WDR47: variants seen among roughly 807,000 people sequenced by gnomAD.
WDR47 encodes WD repeat-containing protein 47.
A neutral mutation model predicts 97.2 loss-of-function variants in WDR47; 32 were observed. The observed-to-expected ratio is 0.33, with a 90% CI of 0.25 to 0.44. The LOEUF (loss-of-function observed/expected upper bound fraction) is 0.44. Ranked by LOEUF, WDR47 falls within the 20% of genes least tolerant of loss-of-function variation. The pLI is 1.00. For missense variants in WDR47, 782 were observed against 1,102.3 expected (o/e 0.71, Z 4.11); for synonymous variants, 375 against 373.5 (o/e 1.00, Z -0.05).
At chr1:109,041,289 GC>G (rs1663346535) in intron 1 of WDR47, among the ~76,000 whole-genome samples, 1 of 152,138 alleles carries the variant, frequency 6.6e-6, no homozygotes, top group African/African-American at 2.4e-5. Flanking sequence ...TCGAGTCGCT[GC>G]CCCTTTCCGC....
At chr1:109,026,671 C>A (rs755289361) in intron 1 of WDR47, among the ~76,000 whole-genome samples, 26 of 152,246 alleles carry the variant, frequency 1.7e-4, no homozygotes, top group Admixed American at 4.6e-4. Context: ...ACCACACAAA[C>A]TTAATGCACA....
chr1:109,002,422 A>AAT lies in WDR47; in HGVS notation c.1255-21_1255-20insAT. On this transcript the variant is annotated intron_variant, in intron 6 of 14. Transcript: ENST00000369962. ...TCGAAGCTTAAAAACATTAGAAAAA[A>AAT]ACATATATATTTGAGCAAACTATGA... is the stretch of plus-strand genomic sequence containing the variant. 3.2e-6 allele frequency: 5 copies of AAT among 1,551,674 alleles called. No homozygotes were observed. The highest frequency in any genetic ancestry group is 4.3e-6 in the Non-Finnish European group (5 of 1,150,600).
chr1:109,015,241 T>C (rs879559350), intron 3 of WDR47, among the ~76,000 whole-genome samples: 5 of 152,210 alleles, frequency 3.3e-5, no homozygotes, highest in Admixed American at 2.6e-4. Flanking sequence ...TAGAGTAACT[T>C]ATATCTGGCT....
At chr1:109,004,359 A>T (rs1660428820) in intron 6 of WDR47, among the ~76,000 whole-genome samples, 1 of 152,212 alleles carries the variant, frequency 6.6e-6, no homozygotes, top group Admixed American at 6.5e-5. Flanking sequence ...CACCAGTAAT[A>T]TTTTAGATTG....
intron 10 of WDR47, among the ~76,000 whole-genome samples, chr1:108,984,858 C>CA (rs1289279060): frequency 6.6e-6 from 1 of 152,090 alleles, no homozygotes; most frequent in Non-Finnish European, 1.5e-5. Flanking sequence ...AGCCTGGCGA[C>CA]AGAGTGAGAC....
chr1:109,023,587 G>T (rs911859583), intron 1 of WDR47, 66 bp from the exon 2 acceptor site: 1 of 1,485,806 alleles, frequency 6.7e-7, no homozygotes, highest in South Asian at 1.3e-5. Flanking sequence ...TAACTGCCTG[G>T]CAACTACACA....
chr1:108,991,370 C>T lies in WDR47; in HGVS notation c.1692-41G>A, dbSNP rs1230292010. On this transcript the variant is annotated intron_variant, in intron 8 of 14. Coordinates refer to ENST00000369962, the MANE Select transcript of WDR47 (RefSeq NM_001142551.2). ...TTCAAGTAAAGTTTACTCCATGTAT[C>T]AAAATAGAAACTAAATTAATTTACC... 5 of 1,543,050 alleles carry T rather than the reference C, an allele frequency of 3.2e-6. No individual in the cohort carries two copies. In the East Asian group the frequency reaches 1.1e-4, roughly 35 times the overall value.
chr1:109,003,014 T>C (rs1660330519), intron 6 of WDR47, among the ~76,000 whole-genome samples: 1 of 152,184 alleles, frequency 6.6e-6, no homozygotes, highest in Non-Finnish European at 1.5e-5. Flanking sequence ...AGTCATCATA[T>C]CAAAAAGACA....
intron 13 of WDR47, among the ~76,000 whole-genome samples, chr1:108,981,127 CAA>C: frequency 1.0e-5 from 1 of 98,252 alleles, no homozygotes; most frequent in African/African-American, 3.9e-5. Context: ...GATTCCATCT[CAA>C]AAAAAAAAAA....
intron 14 of WDR47, among the ~76,000 whole-genome samples, chr1:108,973,260 C>G (rs1220934457): frequency 1.3e-5 from 2 of 151,954 alleles, no homozygotes; most frequent in Non-Finnish European, 2.9e-5. Context: ...GCCTGGGCAA[C>G]AGAACAAGAC....
chr1:108,974,863 C>T (rs1354253159), intron 13 of WDR47, 109 bp from the exon 14 acceptor site: 3 of 836,774 alleles, frequency 3.6e-6, no homozygotes, highest in Non-Finnish European at 5.6e-6. Flanking sequence ...TGTAGTTTAT[C>T]AATACTATTC....
intron 11 of WDR47, among the ~76,000 whole-genome samples, chr1:108,983,061 T>C (rs1293513840): frequency 6.6e-6 from 1 of 152,164 alleles, no homozygotes; most frequent in Non-Finnish European, 1.5e-5. Context: ...ATTTTTCTAA[T>C]AATAATTTTA....
intron 7 of WDR47, 110 bp from the exon 8 acceptor site, chr1:108,995,947 T>C (rs1420121914): frequency 1.7e-5 from 19 of 1,111,220 alleles, no homozygotes; most frequent in African/African-American, 3.2e-5. Flanking sequence ...TAATATATAA[T>C]CTATGGCAAA....
chr1:108,993,092 G>A (rs1659483508), intron 8 of WDR47, among the ~76,000 whole-genome samples: 2 of 152,080 alleles, frequency 1.3e-5, no homozygotes, highest in Non-Finnish European at 2.9e-5. Context: ...GGAGCAATAG[G>A]CCTCACCCAA....
At position 108,975,360 on chromosome 1, in the gene WDR47, A is replaced by C. The variant is rs1048328741; in HGVS notation, c.2399-606T>G. ...TTATACAGGCTGGGCGCGGTGGCTC[A>C]TGCCTGTAATCCAGCACTTTGGGAG... On this transcript the variant is annotated intron_variant, in intron 13 of 14. Coordinates refer to ENST00000369962, the MANE Select transcript of WDR47 (RefSeq NM_001142551.2). Among the ~76,000 whole-genome samples, 12 of 152,034 alleles carry C rather than the reference A, an allele frequency of 7.9e-5. No homozygotes were observed. The East Asian group carries it at 2.1e-3, about 27-fold the overall frequency.
Position 109,011,645 on chromosome 1 carries a change from T to C in WDR47, c.401A>G (p.Tyr134Cys), listed in dbSNP as rs1368505822. The C allele has an allele frequency of 6.2e-7, 1 of 1,614,084 alleles. No individual in the cohort carries two copies. The highest frequency in any genetic ancestry group is 8.5e-7 in the Non-Finnish European group (1 of 1,180,044). Residue 134 changes from tyrosine (Y) to cysteine (C), a missense_variant, in exon 5 of 15, where the codon TAT becomes TGT. By Grantham distance (194) the Tyr-to-Cys change is radical (BLOSUM62 -2). Around this residue, in one of 3 missense-constraint regions of WDR47, gnomAD observed 428 missense variants for 584.3 expected, o/e 0.73. Coordinates refer to ENST00000369962, the MANE Select transcript of WDR47 (RefSeq NM_001142551.2). The stretch of plus-strand genomic sequence containing the variant: ...AGTCAAAAGCAAACAGAGCTTACTA[T>C]AGTCATCTTTAGAAGGACAGTATTC... ...LEEYCPSKDD[Y>C]SKLCLLLTLP... is the part of the protein sequence containing the mutation.
chr1:109,018,192 T>C (rs1190141038), intron 2 of WDR47, among the ~76,000 whole-genome samples: 1 of 151,916 alleles, frequency 6.6e-6, no homozygotes, highest in Non-Finnish European at 1.5e-5. Flanking sequence ...CTCACACCTG[T>C]AATCCCAGCA....
intron 2 of WDR47, 79 bp from the exon 3 acceptor site, chr1:109,017,680 A>G (rs1661519090): frequency 1.9e-6 from 2 of 1,067,592 alleles, no homozygotes; most frequent in Non-Finnish European, 2.8e-6. Context: ...ATGACAAAAC[A>G]GCATTCAAAC....
At chr1:109,025,902 A>C (rs1337311505) in intron 1 of WDR47, among the ~76,000 whole-genome samples, 1 of 152,088 alleles carries the variant, frequency 6.6e-6, no homozygotes, top group Non-Finnish European at 1.5e-5. Flanking sequence ...GTAAATCACA[A>C]ACTTATCTCC....
Sources: gnomAD v4.1 joint callset for allele counts (sites outside exome capture counted in the v4.1 genomes callset) on GRCh38, gnomAD v4.1.1 for gene constraint, gnomAD v4.1.1 regional missense constraint, MANE v1.5 for transcripts, NCBI Gene and HGNC (gene_info 2026-07-23, HGNC 2026-07-21) for gene names.